Variants in LCAT observed in about 807,000 individuals in gnomAD.
LCAT encodes the protein lecithin-cholesterol acyltransferase.
Under a neutral mutation model 41.0 loss-of-function variants are expected in LCAT, and 15 were observed. The observed-to-expected ratio is 0.37, with a 90% CI of 0.24 to 0.56. LCAT has a LOEUF of 0.56. Among genes scored for constraint, LCAT ranks in the 20% least tolerant of loss-of-function variants. The pLI, the probability that LCAT is intolerant of heterozygous loss-of-function variation, is 0.81. For missense variants in LCAT, 449 were observed against 595.1 expected (o/e 0.75, Z 2.55); for synonymous variants, 248 against 245.4 (o/e 1.01, Z -0.10).
rs767741284 is a variant in LCAT, at chr16:67,942,665, A to C, written c.523+6T>G. The C allele has an allele frequency of 2.5e-6, 4 of 1,612,552 alleles. No homozygotes were observed. In the African/African-American group the frequency reaches 5.3e-5, roughly 22 times the overall value. ...CCCCAAGCCGGTCATCCGCAGAGAC[A>C]CTCACCGGGCTCCAGCCGCCAGTCA... On this transcript the variant is annotated splice_donor_region_variant and intron_variant, in intron 4 of 5. Coordinates refer to ENST00000264005, the MANE Select transcript of LCAT (RefSeq NM_000229.2). The surrounding 1 kb of genome is among the most constrained non-coding windows in gnomAD (Gnocchi z 6.6).
At position 67,940,465 on chromosome 16, in the gene LCAT, G is replaced by T; in HGVS notation, c.762C>A (p.Gly254=). 8 of 1,613,984 alleles carry T rather than the reference G, an allele frequency of 5.0e-6. No individual in the cohort carries two copies. The highest frequency in any genetic ancestry group is 6.8e-6 in the Non-Finnish European group (8 of 1,179,970). Residue 254 remains glycine (G), a synonymous_variant, in exon 6 of 6, where the codon GGC becomes GGA. Coordinates refer to ENST00000264005, the MANE Select transcript of LCAT (RefSeq NM_000229.2). ...MLVLASGDNQ[G]IPIMSSIKLK... Reference sequence around the variant, plus strand: ...GCTTGATGCTGGACATGATGGGGATGCCCTGGTTGTCACCTGTGGATATGG... The same window carrying T: ...GCTTGATGCTGGACATGATGGGGATTCCCTGGTTGTCACCTGTGGATATGG...
At position 67,940,193 on chromosome 16, in the gene LCAT, G is replaced by A. The variant is rs28940888; in HGVS notation, c.1034C>T (p.Thr345Met). 25 of 1,612,714 alleles carry A rather than the reference G, an allele frequency of 1.6e-5. No individual in the cohort carries two copies. Among genetic ancestry groups the A allele is most frequent in the Non-Finnish European group, 2.0e-5 (24 of 1,179,966 alleles). ...GTGGTCGTAGATGTAGGTGCGGGGC[G>A]TGGGCAGGCCCACGCCGTAAAGACA... ...VYCLYGVGLP[T>M]PRTYIYDHGF... The change falls in exon 6 of 6, where the codon ACG becomes ATG. Residue 345 changes from threonine (T) to methionine (M), a missense_variant. Thr to Met is a moderately conservative substitution (Grantham distance 81). Transcript: ENST00000264005.
chr16:67,939,976 G>A lies in LCAT; in HGVS notation c.1251C>T (p.Ile417=), dbSNP rs1278608666. 1.2e-6 allele frequency: 2 copies of A among 1,613,616 alleles called. No individual in the cohort carries two copies. Among genetic ancestry groups the A allele is most frequent in the South Asian group, 1.1e-5 (1 of 91,096 alleles). Residue 417 remains isoleucine (I), a synonymous_variant, in exon 6 of 6, where the codon ATC becomes ATT. Transcript: ENST00000264005. Reference sequence around the variant, plus strand: ...GACCCTGGCGGTAGGCACCCAGCAGGATGGCATTGATGTGCTCCAGGGTCA... The same window carrying A: ...GACCCTGGCGGTAGGCACCCAGCAGAATGGCATTGATGTGCTCCAGGGTCA... ...SNLTLEHINA[I]LLGAYRQGPP... is the part of the protein sequence containing the mutation.
rs921169776 is a variant in LCAT at position 67,944,027 on chromosome 16, G to A, written c.75C>T (p.Phe25=). 2 of 1,547,726 alleles carry A rather than the reference G, an allele frequency of 1.3e-6. No individual in the cohort carries two copies. The highest frequency in any genetic ancestry group is 2.7e-5 in the African/African-American group (2 of 72,954). The change falls in exon 1 of 6, where the codon TTC becomes TTT. Residue 25 remains phenylalanine (F), a synonymous_variant. Transcript: ENST00000264005. The surrounding 1 kb of genome is among the most constrained non-coding windows in gnomAD (Gnocchi z 6.6). ...LGLLLPPAAP[F]WLLNVLFPPH... The stretch of plus-strand genomic sequence containing the variant: ...GGGGGAAGAGCACATTGAGGAGCCA[G>A]AAGGGGGCGGCAGGAGGGAGCAGCA...
Position 67,942,146 on chromosome 16 carries a change from G to T in LCAT, c.748+217C>A. On this transcript the variant is annotated intron_variant, in intron 5 of 5. Transcript: ENST00000264005. This position sits in a 1 kb window ranked among gnomAD's most constrained non-coding sequence, Gnocchi z 6.6. ...CTGGGATTCACTTTCTGTGTTCACT[G>T]CCCCTTTGCCATCACTGACACAGAC... is the stretch of plus-strand genomic sequence containing the variant. 7.2e-7 allele frequency: 1 copy of T among 1,389,090 alleles called. No individual in the cohort carries two copies. The highest frequency in any genetic ancestry group is 9.6e-7 in the Non-Finnish European group (1 of 1,042,764). 86.0% of individuals were successfully genotyped at this position (1,389,090 alleles called of 1,614,324 possible).
In LCAT at chr16:67,942,838, C is replaced by T. The variant is rs760004708; in HGVS notation, c.427+23G>A. ...GGGCCAGCACCCAGGCCTGGAGCCCCAGCCCTGCCCTCTGACACAAACCTG... is the reference window on the plus strand; with the variant it reads ...GGGCCAGCACCCAGGCCTGGAGCCCTAGCCCTGCCCTCTGACACAAACCTG... On this transcript the variant is annotated intron_variant, in intron 3 of 5. Coordinates refer to ENST00000264005, the MANE Select transcript of LCAT (RefSeq NM_000229.2). This position sits in a 1 kb window ranked among gnomAD's most constrained non-coding sequence, Gnocchi z 6.6. 3.7e-6 allele frequency: 6 copies of T among 1,613,104 alleles called. No homozygotes were observed. The Admixed American group carries it at 5.0e-5, about 13-fold the overall frequency.
In LCAT at chr16:67,943,038, T is replaced by G. The variant is rs1369241957; in HGVS notation, c.311+18A>C. On this transcript the variant is annotated intron_variant, in intron 2 of 5. Coordinates refer to ENST00000264005, the MANE Select transcript of LCAT (RefSeq NM_000229.2). The surrounding 1 kb of genome is among the most constrained non-coding windows in gnomAD (Gnocchi z 4.6). The stretch of plus-strand genomic sequence containing the variant: ...AAGGGGCAGCGTGTTGGGGCTAGGG[T>G]GGAGCACATGGCTGTACCTGGTGTT... 1 of 1,613,676 alleles carries G rather than the reference T, an allele frequency of 6.2e-7. No individual in the cohort carries two copies.
At position 67,943,280 on chromosome 16, in the gene LCAT, T is replaced by TG; in HGVS notation, c.155-69dup. 6.6e-7 allele frequency: 1 copy of TG among 1,510,836 alleles called. No homozygotes were observed. The highest frequency in any genetic ancestry group is 2.4e-5 in the East Asian group (1 of 41,390). 93.6% of individuals were successfully genotyped at this position (1,510,836 alleles called of 1,614,324 possible). On this transcript the variant is annotated intron_variant, in intron 1 of 5. Coordinates refer to ENST00000264005, the MANE Select transcript of LCAT (RefSeq NM_000229.2). This position sits in a 1 kb window ranked among gnomAD's most constrained non-coding sequence, Gnocchi z 4.6. ...TGACCCTTACCCCCGTCACCCCAGA[T>TG]GCTGCAGTGACCAGACCCACCCCCC...
chr16:67,942,909 A>C lies in LCAT; in HGVS notation c.379T>G (p.Phe127Val), dbSNP rs1446799939. The change falls in exon 3 of 6, where the codon TTT (phenylalanine) becomes GTT (valine). Residue 127 changes from phenylalanine (F) to valine (V), a missense_variant. Coordinates refer to ENST00000264005, the MANE Select transcript of LCAT (RefSeq NM_000229.2). This position sits in a 1 kb window ranked among gnomAD's most constrained non-coding sequence, Gnocchi z 6.6. ...TACTCCACAGAGTAGGTCTTGCCAA[A>C]GCCAGGGACGCGGATCTGGACACCA... is the stretch of plus-strand genomic sequence containing the variant. ...APGVQIRVPG[F>V]GKTYSVEYLD... The C allele has an allele frequency of 6.2e-7, 1 of 1,613,912 alleles. No individual in the cohort carries two copies. The highest frequency in any genetic ancestry group is 8.5e-7 in the Non-Finnish European group (1 of 1,179,972).
Position 67,942,290 on chromosome 16 carries a change from C to T in LCAT, c.748+73G>A. On this transcript the variant is annotated intron_variant, in intron 5 of 5. Transcript: ENST00000264005. This position sits in a 1 kb window ranked among gnomAD's most constrained non-coding sequence, Gnocchi z 6.6. ...CCCTAGAGGCCACTGTGAGCAGGAG[C>T]CGCAATGAAGGCAGGCCCAGGATCA... is the stretch of plus-strand genomic sequence containing the variant. 1 of 1,504,812 alleles carries T rather than the reference C, an allele frequency of 6.6e-7. No homozygotes were observed. The highest frequency in any genetic ancestry group is 9.2e-7 in the Non-Finnish European group (1 of 1,089,016). 93.2% of individuals were successfully genotyped at this position (1,504,812 alleles called of 1,614,324 possible).
intron 5 of LCAT, chr16:67,941,701 G>T: frequency 1.0e-6 from 1 of 995,472 alleles, no homozygotes; most frequent in Non-Finnish European, 1.2e-6. Context: ...TGGGGATGGT[G>T]GGGGCGGTGC....
rs756397928 is a variant in LCAT at position 67,942,600 on chromosome 16, G to A, written c.524-13C>T. ...TCCTCCTGCTGGCCTGCAGCGGGTGGAAGGGGTCAGGGCAGCTGGGGTCTG... is the reference window on the plus strand; with the variant it reads ...TCCTCCTGCTGGCCTGCAGCGGGTGAAAGGGGTCAGGGCAGCTGGGGTCTG... On this transcript the variant is annotated splice_polypyrimidine_tract_variant and intron_variant, in intron 4 of 5. Transcript: ENST00000264005. The surrounding 1 kb of genome is among the most constrained non-coding windows in gnomAD (Gnocchi z 6.6). The A allele has an allele frequency of 6.2e-7, 1 of 1,613,140 alleles. No individual in the cohort carries two copies. Among genetic ancestry groups the A allele is most frequent in the South Asian group, 1.1e-5 (1 of 91,080 alleles).
At position 67,940,138 on chromosome 16, in the gene LCAT, C is replaced by G; in HGVS notation, c.1089G>C (p.Val363=). ...CCGTGTCATCACCATCCTCATAGAG[C>G]ACACCCACAGGGTCCGTGTAGGGGA... The part of the protein sequence containing the change: ...HGFPYTDPVG[V]LYEDGDDTVA... The change falls in exon 6 of 6, where the codon GTG becomes GTC. Residue 363 remains valine, a synonymous_variant. Transcript: ENST00000264005. 6.2e-7 allele frequency: 1 copy of G among 1,613,528 alleles called. No individual in the cohort carries two copies. Among genetic ancestry groups the G allele is most frequent in the South Asian group, 1.1e-5 (1 of 91,086 alleles).
At position 67,943,415 on chromosome 16, in the gene LCAT, G is replaced by A. The variant is rs926732687; in HGVS notation, c.155-203C>T. 7.7e-5 allele frequency: 48 copies of A among 624,756 alleles called. No individual in the cohort carries two copies. The African/African-American group carries it at 8.6e-4, about 11-fold the overall frequency. The allele number at this position is 624,756 out of a possible 1,614,324, so 38.7% of individuals were successfully genotyped here. A position where few individuals can be genotyped will look rare whatever the true frequency, so the allele number is the denominator to read the frequency against. On this transcript the variant is annotated intron_variant, in intron 1 of 5. Coordinates refer to ENST00000264005, the MANE Select transcript of LCAT (RefSeq NM_000229.2). The surrounding 1 kb of genome is among the most constrained non-coding windows in gnomAD (Gnocchi z 4.6). ...CCAAAGCCCAGGCTTCCCTGAGGAA[G>A]GGAAGGCGCTGAGGTGCTGAGGCCA...
Position 67,943,628 on chromosome 16 carries a change from G to A in LCAT, c.154+320C>T. On this transcript the variant is annotated intron_variant, in intron 1 of 5. Coordinates refer to ENST00000264005, the MANE Select transcript of LCAT (RefSeq NM_000229.2). The surrounding 1 kb of genome is among the most constrained non-coding windows in gnomAD (Gnocchi z 4.6). ...CTTGTCCTTGGTGGGTGGGGGCCAA[G>A]GAAGGAGTGGTGGGGCTTGGCCCAG... The A allele has an allele frequency of 5.8e-6, 3 of 516,152 alleles. No homozygotes were observed. Among genetic ancestry groups the A allele is most frequent in the South Asian group, 2.2e-5 (1 of 44,456 alleles). 32.0% of individuals were successfully genotyped at this position (516,152 alleles called of 1,614,324 possible).
In LCAT at chr16:67,942,972, C is replaced by T; in HGVS notation, c.316G>A (p.Val106Ile). Residue 106 changes from valine to isoleucine, a missense_variant, in exon 3 of 6, where the codon GTC (valine) becomes ATC (isoleucine). Transcript: ENST00000264005. The surrounding 1 kb of genome is among the most constrained non-coding windows in gnomAD (Gnocchi z 6.6). ...ACGAGCCCAGAGCTCCGGTTGTAGA[C>T]AACCCTGCGGGGCGGGGGTGCCACT... ...VDCWIDNTRV[V>I]YNRSSGLVSN... is the part of the protein sequence containing the mutation. 1 of 1,613,872 alleles carries T rather than the reference C, an allele frequency of 6.2e-7. No individual in the cohort carries two copies. The highest frequency in any genetic ancestry group is 1.3e-5 in the African/African-American group (1 of 75,054).
Position 67,944,023 on chromosome 16 carries a change from G to A in LCAT, c.79C>T (p.Leu27Phe). ...LLLPPAAPFW[L>F]LNVLFPPHTT... ...TGCGGGGGGAAGAGCACATTGAGGA[G>A]CCAGAAGGGGGCGGCAGGAGGGAGC... The change falls in exon 1 of 6, where the codon CTC becomes TTC. Residue 27 changes from leucine (L) to phenylalanine (F), a missense_variant. Physicochemically the swap from Leu to Phe is conservative, Grantham distance 22. Coordinates refer to ENST00000264005, the MANE Select transcript of LCAT (RefSeq NM_000229.2). This position sits in a 1 kb window ranked among gnomAD's most constrained non-coding sequence, Gnocchi z 6.6. 6.5e-7 allele frequency: 1 copy of A among 1,547,950 alleles called. No homozygotes were observed. Among genetic ancestry groups the A allele is most frequent in the Non-Finnish European group, 8.7e-7 (1 of 1,145,762 alleles).
chr16:67,942,165 C>A lies in LCAT; in HGVS notation c.748+198G>T. On this transcript the variant is annotated intron_variant, in intron 5 of 5. Transcript: ENST00000264005. This position sits in a 1 kb window ranked among gnomAD's most constrained non-coding sequence, Gnocchi z 6.6. ...TTCACTGCCCCTTTGCCATCACTGA[C>A]ACAGACTCTGGAAGGAGCCACCCTA... 7.3e-7 allele frequency: 1 copy of A among 1,374,582 alleles called. No individual in the cohort carries two copies. Among genetic ancestry groups the A allele is most frequent in the Non-Finnish European group, 9.8e-7 (1 of 1,018,916 alleles). 85.1% of individuals were successfully genotyped at this position (1,374,582 alleles called of 1,614,324 possible).
rs773366689 is a variant in LCAT at position 67,942,323 on chromosome 16, C to T, written c.748+40G>A. ...AAGGCAGGCCCAGGATCAGCTTGGT[C>T]TCACCCATCGCTGGACCTAAGTGTT... On this transcript the variant is annotated intron_variant, in intron 5 of 5. Transcript: ENST00000264005. The surrounding 1 kb of genome is among the most constrained non-coding windows in gnomAD (Gnocchi z 6.6). 6.3e-7 allele frequency: 1 copy of T among 1,598,998 alleles called. No homozygotes were observed. Among genetic ancestry groups the T allele is most frequent in the South Asian group, 1.1e-5 (1 of 90,564 alleles).
Sources: gnomAD v4.1 joint callset for allele counts on GRCh38, gnomAD v4.1.1 for gene constraint, Gnocchi (gnomAD v3.1) non-coding constraint, MANE v1.5 for transcripts, NCBI Gene and HGNC (gene_info 2026-07-23, HGNC 2026-07-21) for gene names.